The following DNAJC12 variants were observed in gnomAD, a reference collection of about 807,000 sequenced individuals.
The protein encoded by DNAJC12 is dnaJ homolog subfamily C member 12.
Under a neutral mutation model 28.5 loss-of-function variants are expected in DNAJC12, and 25 were observed. That is an observed-to-expected ratio of 0.88 (90% CI 0.64 to 1.22). The LOEUF (loss-of-function observed/expected upper bound fraction) is 1.22, where lower values mean the gene tolerates loss of function less well. DNAJC12 is among the 50% of genes most tolerant of loss of function. DNAJC12 has a pLI of 0.00. For missense variants in DNAJC12, 222 were observed against 231.7 expected (o/e 0.96, Z 0.27); for synonymous variants, 77 against 80.6 (o/e 0.95, Z 0.24).
chr10:67,798,913 A>C (rs567074221), intron 4 of DNAJC12, among the ~76,000 whole-genome samples: 14 of 152,054 alleles, frequency 9.2e-5, no homozygotes, highest in Non-Finnish European at 1.6e-4. Flanking sequence ...TACAGGCATG[A>C]GCCACCACAC....
chr10:67,811,813 G>T, intron 2 of DNAJC12, 150 bp from the exon 3 acceptor site: 1 of 1,402,414 alleles, frequency 7.1e-7, no homozygotes, highest in Non-Finnish European at 9.4e-7. Flanking sequence ...TTTGTAAAGG[G>T]TATCATAAGG....
At chr10:67,832,469 C>T (rs1205445039) in intron 1 of DNAJC12, among the ~76,000 whole-genome samples, 1 of 151,896 alleles carries the variant, frequency 6.6e-6, no homozygotes, top group African/African-American at 2.4e-5. Context: ...GGCATAGAAA[C>T]AATTTGAGAC....
rs1564862026 is a variant in DNAJC12 at position 67,816,539 on chromosome 10, CTTTCT to C, written c.158-4881_158-4877del. Among the ~76,000 whole-genome samples the C allele has an allele frequency of 8.4e-5, 11 of 131,402 alleles. 1 individual carries two copies. The highest frequency in any genetic ancestry group is 1.1e-4 in the Non-Finnish European group (7 of 62,390). The allele number at this position is 131,402 out of a possible 152,430, so 86.2% of individuals were successfully genotyped here. A position where few individuals can be genotyped will look rare whatever the true frequency, so the allele number is the denominator to read the frequency against. ...CCACAGGTTCTTAGTCTGAAGTTTA[CTTTCT>C]TTTTTTTTTTTTTTTTTTTGAGGCA... On this transcript the variant is annotated intron_variant, in intron 2 of 4. Coordinates refer to ENST00000225171, the MANE Select transcript of DNAJC12 (RefSeq NM_021800.3).
intron 2 of DNAJC12, among the ~76,000 whole-genome samples, chr10:67,819,736 A>G (rs1209530389): frequency 0.027 from 599 of 22,552 alleles, 30 homozygotes; most frequent in Admixed American, 0.059. Flanking sequence ...GGAAGGAAGG[A>G]AGGAAGGAAG....
chr10:67,837,112 A>T (rs1230330667), intron 1 of DNAJC12, among the ~76,000 whole-genome samples: 1 of 151,978 alleles, frequency 6.6e-6, no homozygotes, highest in African/African-American at 2.4e-5. Flanking sequence ...GTGTACAAGG[A>T]AAGTTTAATA....
chr10:67,819,105 G>A (rs940139154), intron 2 of DNAJC12, among the ~76,000 whole-genome samples: 14 of 151,774 alleles, frequency 9.2e-5, no homozygotes, highest in South Asian at 2.1e-4. Flanking sequence ...AGACCGAGGC[G>A]GGCGGATCAC....
chr10:67,837,177 T>C (rs1842149139), intron 1 of DNAJC12, among the ~76,000 whole-genome samples: 1 of 151,942 alleles, frequency 6.6e-6, no homozygotes, highest in South Asian at 2.1e-4. Flanking sequence ...AATCAACAAG[T>C]ACATATAATA....
chr10:67,798,494 A>G (rs926318471), intron 4 of DNAJC12, among the ~76,000 whole-genome samples: 11 of 151,978 alleles, frequency 7.2e-5, no homozygotes, highest in African/African-American at 2.7e-4. Context: ...AGCATAGGCA[A>G]CATGGCAAAA....
chr10:67,815,233 G>A (rs1841901243), intron 2 of DNAJC12, among the ~76,000 whole-genome samples: 1 of 152,150 alleles, frequency 6.6e-6, no homozygotes, highest in African/African-American at 2.4e-5. Flanking sequence ...ATGAGGCTGG[G>A]CACGGTGGCT....
chr10:67,818,735 C>A (rs971465413), intron 2 of DNAJC12, among the ~76,000 whole-genome samples: 1 of 151,920 alleles, frequency 6.6e-6, no homozygotes, highest in Non-Finnish European at 1.5e-5. Context: ...CGGCTCACTG[C>A]AACATCTGCT....
chr10:67,835,696 CA>C (rs1299549605), intron 1 of DNAJC12, among the ~76,000 whole-genome samples: 2 of 128,796 alleles, frequency 1.6e-5, no homozygotes, highest in African/African-American at 3.0e-5. Flanking sequence ...CTCAAAAAAA[CA>C]AAAAAAAGAG....
chr10:67,807,810 A>G (rs968534473), intron 3 of DNAJC12, among the ~76,000 whole-genome samples: 3 of 152,266 alleles, frequency 2.0e-5, no homozygotes, highest in African/African-American at 7.2e-5. Flanking sequence ...TCTAATCCAC[A>G]GTAAATGCTT....
At chr10:67,834,039 C>T (rs1231076429) in intron 1 of DNAJC12, 5 of 445,906 alleles carry the variant, frequency 1.1e-5, no homozygotes, top group Non-Finnish European at 2.3e-5. Flanking sequence ...TCATAGCAGC[C>T]AAAATCAGTG....
At chr10:67,823,138 C>T (rs1429885667) in intron 2 of DNAJC12, among the ~76,000 whole-genome samples, 176 bp downstream of exon 2, 1 of 152,154 alleles carries the variant, frequency 6.6e-6, no homozygotes, top group Non-Finnish European at 1.5e-5. Flanking sequence ...TAAACGACTA[C>T]TATTAGAAAA....
chr10:67,817,852 C>A (rs796570856), intron 2 of DNAJC12, among the ~76,000 whole-genome samples: 2 of 151,450 alleles, frequency 1.3e-5, no homozygotes, highest in African/African-American at 2.4e-5. Context: ...CACTCCAGTT[C>A]GGGCGATAGA....
intron 4 of DNAJC12, among the ~76,000 whole-genome samples, chr10:67,802,650 T>C (rs895954293): frequency 6.6e-6 from 1 of 152,210 alleles, no homozygotes; most frequent in Non-Finnish European, 1.5e-5. Context: ...CGAATCTATA[T>C]TTTTGTTTGA....
At chr10:67,824,736 A>T (rs989326926) in intron 1 of DNAJC12, among the ~76,000 whole-genome samples, 2 of 151,448 alleles carry the variant, frequency 1.3e-5, no homozygotes, top group South Asian at 2.1e-4. Context: ...TTATTTATTT[A>T]TTTATTTTTA....
In DNAJC12 at chr10:67,838,094, C is replaced by T. The variant is rs563260930; in HGVS notation, c.-83G>A. On this transcript the variant is annotated 5_prime_UTR_variant, in exon 1 of 5. Coordinates refer to ENST00000225171, the MANE Select transcript of DNAJC12 (RefSeq NM_021800.3). ...ATTAACAGGAAGAAACTCTTTAAAT[C>T]TGAATTAGAGCAGCATGTTCCACAT... is the stretch of plus-strand genomic sequence containing the variant. The T allele has an allele frequency of 1.8e-4, 165 of 925,780 alleles. No homozygotes were observed. The African/African-American group carries it at 2.3e-3, about 13-fold the overall frequency. The allele number at this position is 925,780 out of a possible 1,614,324, so 57.3% of individuals were successfully genotyped here.
rs769789184 is a variant in DNAJC12 at position 67,811,600 on chromosome 10, C to A, written c.221G>T (p.Arg74Leu). The A allele has an allele frequency of 1.9e-6, 3 of 1,614,066 alleles. No individual in the cohort carries two copies. The highest frequency in any genetic ancestry group is 1.3e-5 in the African/African-American group (1 of 74,930). ...EILTNEESRA[R>L]YDHWRRSQMS... ...CTGGCTCCTTCGCCAGTGGTCATAG[C>A]GGGCTCGACTCTCTTCATTGGTCAG... The change falls in exon 3 of 5, where the codon CGC becomes CTC. Residue 74 changes from arginine to leucine, a missense_variant. Coordinates refer to ENST00000225171, the MANE Select transcript of DNAJC12 (RefSeq NM_021800.3).
Sources: gnomAD v4.1 joint callset for allele counts (sites outside exome capture counted in the v4.1 genomes callset) on GRCh38, gnomAD v4.1.1 for gene constraint, MANE v1.5 for transcripts, NCBI Gene and HGNC (gene_info 2026-07-23, HGNC 2026-07-21) for gene names.